The following NUFIP1 variants were observed in gnomAD, a reference collection of about 807,000 sequenced individuals.
The protein encoded by NUFIP1 is nuclear FMR1 interacting protein 1.
Under a neutral mutation model 56.2 loss-of-function variants are expected in NUFIP1, and 38 were observed. The observed-to-expected ratio is 0.68, with a 90% confidence interval of 0.52 to 0.89. NUFIP1 has a LOEUF of 0.89. Ranked by LOEUF, NUFIP1 falls within the 40% of genes least tolerant of loss-of-function variation. The pLI, the probability that NUFIP1 is intolerant of heterozygous loss-of-function variation, is 0.00. For synonymous variants in NUFIP1, 215 were observed against 212.4 expected (o/e 1.01, Z -0.10); for missense variants, 567 against 605.8 (o/e 0.94, Z 0.67).
At chr13:44,985,549 A>T (rs1308178205) in intron 1 of NUFIP1, among the ~76,000 whole-genome samples, 1 of 152,182 alleles carries the variant, frequency 6.6e-6, no homozygotes, top group Non-Finnish European at 1.5e-5. Flanking sequence ...TCTTTGTGTC[A>T]CATTTTGGTG....
intron 6 of NUFIP1, among the ~76,000 whole-genome samples, chr13:44,965,459 G>A (rs1175698646): frequency 6.6e-6 from 1 of 152,178 alleles, no homozygotes; most frequent in Non-Finnish European, 1.5e-5. Context: ...ACTTTGGGAG[G>A]CCAAGGTGGG....
intron 9 of NUFIP1, 39 bp downstream of exon 9, chr13:44,943,403 G>C: frequency 5.8e-6 from 9 of 1,547,876 alleles, no homozygotes; most frequent in Non-Finnish European, 8.0e-6. Context: ...TTTATGATGT[G>C]AGAACACAAA....
intron 6 of NUFIP1, among the ~76,000 whole-genome samples, chr13:44,961,002 G>A (rs955616700): frequency 1.1e-4 from 17 of 148,882 alleles, no homozygotes; most frequent in African/African-American, 3.5e-4. Context: ...ACAGTGGGCC[G>A]AGATTGTGCC....
At chr13:44,968,424 A>C (rs952971759) in intron 5 of NUFIP1, among the ~76,000 whole-genome samples, 1 of 147,992 alleles carries the variant, frequency 6.8e-6, no homozygotes, top group African/African-American at 2.5e-5. Flanking sequence ...AAAAAAAAAG[A>C]CTTGGAAGGG....
intron 5 of NUFIP1, among the ~76,000 whole-genome samples, chr13:44,971,171 T>C (rs943080597): frequency 1.3e-5 from 2 of 152,144 alleles, no homozygotes; most frequent in African/African-American, 4.8e-5. Flanking sequence ...GAACCTCAGA[T>C]GAACTCACCC....
intron 4 of NUFIP1, among the ~76,000 whole-genome samples, chr13:44,979,638 G>T (rs1324229917): frequency 3.3e-5 from 5 of 152,130 alleles, no homozygotes; most frequent in Non-Finnish European, 5.9e-5. Flanking sequence ...ATACAATTTG[G>T]AGTCAAGAAA....
rs879719728 is a variant in NUFIP1 at position 44,939,310 on chromosome 13, TTTGA to T, written c.*1892_*1895del. 1.3e-5 allele frequency: 2 copies of T among 152,156 alleles called. No homozygotes were observed. The highest frequency in any genetic ancestry group is 2.9e-5 in the Non-Finnish European group (2 of 68,018). 9.4% of individuals were successfully genotyped at this position (152,156 alleles called of 1,614,324 possible). A position where few individuals can be genotyped will look rare whatever the true frequency, so the allele number is the denominator to read the frequency against. ...AATGTATTAAATTTCCCAGAGCTGG[TTTGA>T]TTAAGGAAAATAGAAGTCAATTATA... is the stretch of plus-strand genomic sequence containing the variant. On this transcript the variant is annotated 3_prime_UTR_variant, in exon 10 of 10. Coordinates refer to ENST00000379161, the MANE Select transcript of NUFIP1 (RefSeq NM_012345.3).
chr13:44,954,887 T>C (rs890537025), intron 7 of NUFIP1, among the ~76,000 whole-genome samples: 2 of 152,226 alleles, frequency 1.3e-5, no homozygotes, highest in Non-Finnish European at 2.9e-5. Flanking sequence ...CGTGAGTGCA[T>C]AGTTAGACTT....
At chr13:44,985,294 G>T (rs767113819) in intron 1 of NUFIP1, among the ~76,000 whole-genome samples, 5 of 152,090 alleles carry the variant, frequency 3.3e-5, no homozygotes, top group Non-Finnish European at 5.9e-5. Flanking sequence ...ACCTATCTCA[G>T]TTAATAGCAA....
intron 8 of NUFIP1, among the ~76,000 whole-genome samples, chr13:44,949,433 C>G (rs1229673153): frequency 1.3e-5 from 2 of 151,788 alleles, no homozygotes; most frequent in Non-Finnish European, 2.9e-5. Context: ...GATCTCCTGA[C>G]CTCGTGATCC....
chr13:44,981,155 C>G (rs1872174926), intron 2 of NUFIP1, among the ~76,000 whole-genome samples: 1 of 152,024 alleles, frequency 6.6e-6, no homozygotes, highest in Admixed American at 6.5e-5. Context: ...AGAATAAAAA[C>G]AGCAGCTCAT....
chr13:44,986,778 T>C (rs1044625642), intron 1 of NUFIP1, among the ~76,000 whole-genome samples: 1 of 152,080 alleles, frequency 6.6e-6, no homozygotes, highest in Non-Finnish European at 1.5e-5. Context: ...AGAAGTGGCT[T>C]CTTATGGATG....
intron 6 of NUFIP1, 97 bp from the exon 7 acceptor site, chr13:44,959,671 A>C: frequency 1.1e-6 from 1 of 947,260 alleles, no homozygotes; most frequent in Non-Finnish European, 1.6e-6. Context: ...CCTAGCTGTA[A>C]AACTGATCAC....
At chr13:44,985,797 T>G (rs898554498) in intron 1 of NUFIP1, among the ~76,000 whole-genome samples, 1 of 152,154 alleles carries the variant, frequency 6.6e-6, no homozygotes, top group Non-Finnish European at 1.5e-5. Context: ...AGTAGGCCAA[T>G]TAATAACCCT....
At chr13:44,982,224 C>T (rs1872220406) in intron 1 of NUFIP1, 70 bp from the exon 2 acceptor site, 1 of 665,118 alleles carries the variant, frequency 1.5e-6, no homozygotes, top group African/African-American at 1.9e-5. Context: ...ATTTTATCTA[C>T]TACAGCATGT....
chr13:44,967,350 T>TA lies in NUFIP1; in HGVS notation c.735-1415dup, dbSNP rs1282877107. ...CAGTGAAACCCCATCCTATTAAAAATAAAAAAAATTAGCTGGGCATGGTGG... is the reference window on the plus strand; with the variant it reads ...CAGTGAAACCCCATCCTATTAAAAATAAAAAAAAATTAGCTGGGCATGGTGG... On this transcript the variant is annotated intron_variant, in intron 5 of 9. Coordinates refer to ENST00000379161, the MANE Select transcript of NUFIP1 (RefSeq NM_012345.3). Among the ~76,000 whole-genome samples the TA allele has an allele frequency of 1.5e-4, 23 of 151,034 alleles. No homozygotes were observed. The South Asian group carries it at 3.2e-3, about 21-fold the overall frequency.
rs199537355 is a variant in NUFIP1, at chr13:44,988,995, G to C, written c.412+30C>G. On this transcript the variant is annotated intron_variant, in intron 1 of 9. Transcript: ENST00000379161. ...GGAAAGAACGGGGGAAAAAGGTAAA[G>C]GGGTCGACTCACGTGGAAAAATAGC... is the stretch of plus-strand genomic sequence containing the variant. 3.1e-6 allele frequency: 5 copies of C among 1,610,232 alleles called. 1 individual carries two copies. Among genetic ancestry groups the C allele is most frequent in the Non-Finnish European group, 3.4e-6 (4 of 1,178,036 alleles).
At chr13:44,951,255 A>G (rs1265320205) in intron 7 of NUFIP1, among the ~76,000 whole-genome samples, 1 of 152,152 alleles carries the variant, frequency 6.6e-6, no homozygotes, top group Non-Finnish European at 1.5e-5. Flanking sequence ...GAAAGAAAAA[A>G]CTGCAGCATT....
Position 44,940,995 on chromosome 13 carries a change from CCAA to C in NUFIP1, c.*208_*210del. 2.6e-6 allele frequency: 1 copy of C among 380,344 alleles called. No homozygotes were observed. Among genetic ancestry groups the C allele is most frequent in the African/African-American group, 2.1e-5 (1 of 48,002 alleles). The allele number at this position is 380,344 out of a possible 1,614,324, so 23.6% of individuals were successfully genotyped here. A position where few individuals can be genotyped will look rare whatever the true frequency, so the allele number is the denominator to read the frequency against. On this transcript the variant is annotated 3_prime_UTR_variant, in exon 10 of 10. Coordinates refer to ENST00000379161, the MANE Select transcript of NUFIP1 (RefSeq NM_012345.3). ...CTCCCAGCAAATACTAGATTCAATCCCAACAATACAGACACAGTCTTAAAAAAT... is the reference window on the plus strand; with the variant it reads ...CTCCCAGCAAATACTAGATTCAATCCCAATACAGACACAGTCTTAAAAAAT...
Sources: allele counts gnomAD v4.1 joint callset (sites outside exome capture counted in the v4.1 genomes callset), GRCh38; gene constraint gnomAD v4.1.1; transcripts MANE v1.5; gene names NCBI Gene and HGNC (gene_info 2026-07-23, HGNC 2026-07-21).